The following PROKR1 variants were observed in gnomAD, a reference collection of about 807,000 sequenced individuals.
The protein encoded by PROKR1 is prokineticin receptor 1, also known as G protein-coupled receptor 73.
In PROKR1, 21 loss-of-function variants were observed where a neutral mutation model predicts 22.8. That is an observed-to-expected ratio of 0.92 (90% CI 0.65 to 1.32). The LOEUF is 1.32. Among genes scored for constraint, PROKR1 ranks in the 40% most tolerant of loss-of-function variants. PROKR1 has a pLI of 0.00. For missense variants in PROKR1, 548 were observed against 514.2 expected (o/e 1.07, Z -0.64); for synonymous variants, 193 against 207.5 (o/e 0.93, Z 0.60).
chr2:68,650,213 T>TA (rs202217275), intron 2 of PROKR1, among the ~76,000 whole-genome samples: 66 of 147,466 alleles, frequency 4.5e-4, no homozygotes, highest in East Asian at 9.8e-4. Context: ...ACTTAAAGTA[T>TA]AAAAAAAAAA....
At position 68,646,243 on chromosome 2, in the gene PROKR1, A is replaced by T. The variant is rs1353984574; in HGVS notation, c.422A>T (p.Asn141Ile). 1.2e-6 allele frequency: 2 copies of T among 1,614,090 alleles called. No individual in the cohort carries two copies. Among genetic ancestry groups the T allele is most frequent in the South Asian group, 2.2e-5 (2 of 91,070 alleles). ...EHGHVLCTSVNYLRTVSLYVS... is the reference protein window; with the variant it reads ...EHGHVLCTSVIYLRTVSLYVS... ...GGCCACGTCCTGTGCACCTCTGTCAACTACCTGCGCACTGTCTCTCTCTAT... is the reference window on the plus strand; with the variant it reads ...GGCCACGTCCTGTGCACCTCTGTCATCTACCTGCGCACTGTCTCTCTCTAT... The change falls in exon 2 of 3, where the codon AAC becomes ATC. Residue 141 changes from asparagine (N) to isoleucine (I), a missense_variant. Asn to Ile is a moderately radical substitution (Grantham distance 149, BLOSUM62 -3). Transcript: ENST00000303786.
intron 2 of PROKR1, among the ~76,000 whole-genome samples, chr2:68,654,500 G>A (rs893647224): frequency 2.0e-5 from 3 of 151,266 alleles, no homozygotes; most frequent in East Asian, 2.2e-4. Context: ...AGAAGCCCAC[G>A]TACCATTGGG....
intron 2 of PROKR1, among the ~76,000 whole-genome samples, chr2:68,652,121 G>A (rs1301203671): frequency 6.6e-6 from 1 of 152,148 alleles, no homozygotes; most frequent in East Asian, 1.9e-4. Context: ...GCAAGATGTG[G>A]GTCTGAGTCA....
rs1289908071 is a variant in PROKR1, at chr2:68,658,116, T to A, written c.*2540T>A. The A allele has an allele frequency of 6.6e-6, 1 of 152,222 alleles. No homozygotes were observed. Among genetic ancestry groups the A allele is most frequent in the Non-Finnish European group, 1.5e-5 (1 of 68,038 alleles). 9.4% of individuals were successfully genotyped at this position (152,222 alleles called of 1,614,324 possible). ...CGGCAACCAAAGCCCACTCTGCTTT[T>A]CAGCCTAAAATGTATCAATTTTTCA... On this transcript the variant is annotated 3_prime_UTR_variant, in exon 3 of 3. Coordinates refer to ENST00000303786, the MANE Select transcript of PROKR1 (RefSeq NM_138964.4).
At chr2:68,650,323 T>C (rs1436509418) in intron 2 of PROKR1, among the ~76,000 whole-genome samples, 2 of 152,220 alleles carry the variant, frequency 1.3e-5, no homozygotes, top group Non-Finnish European at 2.9e-5. Context: ...CCCAGTCTCA[T>C]GGTTAAACAT....
Position 68,646,164 on chromosome 2 carries a change from T to C in PROKR1, c.343T>C (p.Cys115Arg). 1 of 1,608,058 alleles carries C rather than the reference T, an allele frequency of 6.2e-7. No homozygotes were observed. Among genetic ancestry groups the C allele is most frequent in the Non-Finnish European group, 8.5e-7 (1 of 1,176,254 alleles). Residue 115 changes from cysteine (C) to arginine (R), a missense_variant, in exon 2 of 3, where the codon TGC (cysteine) becomes CGC (arginine). Cys to Arg is a radical substitution (Grantham distance 180). Transcript: ENST00000303786. ...CTCTGACTTCCTGGTGGCCATTGTC[T>C]GCTGCCCCTTTGAGATGGACTACTA... ...AISDFLVAIV[C>R]CPFEMDYYVV...
In PROKR1 at chr2:68,646,273, C is replaced by T; in HGVS notation, c.452C>T (p.Ser151Phe). 1.2e-6 allele frequency: 2 copies of T among 1,614,242 alleles called. No individual in the cohort carries two copies. Among genetic ancestry groups the T allele is most frequent in the Non-Finnish European group, 1.7e-6 (2 of 1,180,048 alleles). ...CTGCGCACTGTCTCTCTCTATGTCT[C>T]CACCAATGCCCTGCTGGCCATCGCC... ...NYLRTVSLYV[S>F]TNALLAIAID... Residue 151 changes from serine to phenylalanine, a missense_variant, in exon 2 of 3, where the codon TCC (serine) becomes TTC (phenylalanine). Ser to Phe is a radical substitution (Grantham distance 155, BLOSUM62 -2). Transcript: ENST00000303786.
intron 1 of PROKR1, among the ~76,000 whole-genome samples, chr2:68,644,587 T>C (rs978176116): frequency 9.2e-5 from 14 of 152,286 alleles, no homozygotes; most frequent in African/African-American, 2.9e-4. Flanking sequence ...AGAGCAGGCT[T>C]TCCTGGGGGT....
In PROKR1 at chr2:68,655,747, C is replaced by T; in HGVS notation, c.*171C>T. 1 of 675,376 alleles carries T rather than the reference C, an allele frequency of 1.5e-6. No individual in the cohort carries two copies. Among genetic ancestry groups the T allele is most frequent in the Non-Finnish European group, 2.6e-6 (1 of 389,294 alleles). 41.8% of individuals were successfully genotyped at this position (675,376 alleles called of 1,614,324 possible). Reference sequence around the variant, plus strand: ...CTCAGAGTTTCTAAAATGCATGTGACCAGACACTATCAACAGTGGCATTTG... The same window carrying T: ...CTCAGAGTTTCTAAAATGCATGTGATCAGACACTATCAACAGTGGCATTTG... On this transcript the variant is annotated 3_prime_UTR_variant, in exon 3 of 3. Transcript: ENST00000303786.
chr2:68,653,760 G>A (rs577907347), intron 2 of PROKR1, among the ~76,000 whole-genome samples: 1 of 152,096 alleles, frequency 6.6e-6, no homozygotes. Flanking sequence ...CTCTCATGCC[G>A]CACAATGACT....
In PROKR1 at chr2:68,645,661, G is replaced by A. The variant is rs780666798; in HGVS notation, c.-160-1G>A. On this transcript the variant is annotated splice_acceptor_variant, in intron 1 of 2. Transcript: ENST00000303786. LOFTEE classifies it low-confidence loss of function (5UTR_SPLICE). ...GCCAACTGTTTGTATGTCTTTCAAA[G>A]GTTTAGAATGGAGCTCAGATACCAT... The A allele has an allele frequency of 2.9e-6, 3 of 1,023,930 alleles. No homozygotes were observed. Among genetic ancestry groups the A allele is most frequent in the Non-Finnish European group, 4.3e-6 (3 of 696,006 alleles). The allele number at this position is 1,023,930 out of a possible 1,614,324, so 63.4% of individuals were successfully genotyped here. A position where few individuals can be genotyped will look rare whatever the true frequency, so the allele number is the denominator to read the frequency against.
chr2:68,645,688 C>T lies in PROKR1; in HGVS notation c.-134C>T, dbSNP rs931759477. Reference sequence around the variant, plus strand: ...TTTAGAATGGAGCTCAGATACCATACCCCAAAGATGCTGGCAGAGACATTC... The same window carrying T: ...TTTAGAATGGAGCTCAGATACCATATCCCAAAGATGCTGGCAGAGACATTC... On this transcript the variant is annotated 5_prime_UTR_variant, in exon 2 of 3. Coordinates refer to ENST00000303786, the MANE Select transcript of PROKR1 (RefSeq NM_138964.4). The T allele has an allele frequency of 4.8e-6, 6 of 1,252,462 alleles. No homozygotes were observed. The highest frequency in any genetic ancestry group is 5.7e-6 in the Non-Finnish European group (5 of 872,430). The allele number at this position is 1,252,462 out of a possible 1,614,324, so 77.6% of individuals were successfully genotyped here.
Position 68,657,355 on chromosome 2 carries a change from A to T in PROKR1, c.*1779A>T, listed in dbSNP as rs1481908013. 9.2e-5 allele frequency: 14 copies of T among 152,168 alleles called. No homozygotes were observed. The highest frequency in any genetic ancestry group is 2.9e-5 in the Non-Finnish European group (2 of 68,032). 9.4% of individuals were successfully genotyped at this position (152,168 alleles called of 1,614,324 possible). On this transcript the variant is annotated 3_prime_UTR_variant, in exon 3 of 3. Coordinates refer to ENST00000303786, the MANE Select transcript of PROKR1 (RefSeq NM_138964.4). ...CTCCACTTTTATTTTTCTTTGTGTA[A>T]ATTATTCCTTTGTGCTTCATAACAG...
rs546536477 is a variant in PROKR1 at position 68,656,767 on chromosome 2, G to T, written c.*1191G>T. On this transcript the variant is annotated 3_prime_UTR_variant, in exon 3 of 3. Coordinates refer to ENST00000303786, the MANE Select transcript of PROKR1 (RefSeq NM_138964.4). Reference sequence around the variant, plus strand: ...TCCCATCCTAGTCTTTGTTCCTTTGGATTAAGACTTGCTTTGCTTCTAAAA... The same window carrying T: ...TCCCATCCTAGTCTTTGTTCCTTTGTATTAAGACTTGCTTTGCTTCTAAAA... The T allele has an allele frequency of 6.6e-6, 1 of 152,256 alleles. No individual in the cohort carries two copies. Among genetic ancestry groups the T allele is most frequent in the Non-Finnish European group, 1.5e-5 (1 of 68,018 alleles). 9.4% of individuals were successfully genotyped at this position (152,256 alleles called of 1,614,324 possible).
chr2:68,650,976 G>A (rs1486214043), intron 2 of PROKR1, among the ~76,000 whole-genome samples: 2 of 152,190 alleles, frequency 1.3e-5, no homozygotes, highest in Non-Finnish European at 2.9e-5. Context: ...TCAGGTATGG[G>A]TAAGAAACAC....
intron 2 of PROKR1, 146 bp downstream of exon 2, chr2:68,646,452 C>T (rs908622490): frequency 8.2e-7 from 1 of 1,223,402 alleles, no homozygotes; most frequent in Non-Finnish European, 1.1e-6. Flanking sequence ...AAAAGCTTGC[C>T]CATTGACTGA....
chr2:68,649,611 G>A (rs1673268231), intron 2 of PROKR1: 1 of 152,204 alleles, frequency 6.6e-6, no homozygotes, highest in African/African-American at 2.4e-5. Flanking sequence ...CAAAAGGAAG[G>A]TAATTTCAGA....
In PROKR1 at chr2:68,655,056, G is replaced by C. The variant is rs1339225667; in HGVS notation, c.662G>C (p.Trp221Ser). 1.2e-6 allele frequency: 2 copies of C among 1,613,410 alleles called. No individual in the cohort carries two copies. Among genetic ancestry groups the C allele is most frequent in the Non-Finnish European group, 1.7e-6 (2 of 1,179,970 alleles). The change falls in exon 3 of 3, where the codon TGG becomes TCG. Residue 221 changes from tryptophan (W) to serine (S), a missense_variant. Physicochemically the swap from Trp to Ser is radical, Grantham distance 177 (BLOSUM62 -3). Transcript: ENST00000303786. ...SQEKIFCGQIWPVDQQLYYKS... is the reference protein window; with the variant it reads ...SQEKIFCGQISPVDQQLYYKS... ...GAAAAGATCTTCTGCGGCCAGATCTGGCCTGTGGACCAGCAGCTCTACTAC... is the reference window on the plus strand; with the variant it reads ...GAAAAGATCTTCTGCGGCCAGATCTCGCCTGTGGACCAGCAGCTCTACTAC...
rs1674026722 is a variant in PROKR1 at position 68,655,710 on chromosome 2, G to A, written c.*134G>A. ...GTAAATGGACCACTCTGTGAGCAAT[G>A]TTTTCAAGGAGCTCAGAGTTTCTAA... On this transcript the variant is annotated 3_prime_UTR_variant, in exon 3 of 3. Transcript: ENST00000303786. 3.6e-6 allele frequency: 3 copies of A among 839,192 alleles called. No homozygotes were observed. Among genetic ancestry groups the A allele is most frequent in the Non-Finnish European group, 5.7e-6 (3 of 522,282 alleles). The allele number at this position is 839,192 out of a possible 1,614,324, so 52.0% of individuals were successfully genotyped here.
Sources: allele counts gnomAD v4.1 joint callset (sites outside exome capture counted in the v4.1 genomes callset), GRCh38; gene constraint gnomAD v4.1.1; transcripts MANE v1.5; gene names NCBI Gene and HGNC (gene_info 2026-07-23, HGNC 2026-07-21).